SLC19A1: variants seen among roughly 807,000 people sequenced by gnomAD.
SLC19A1 encodes solute carrier family 19 member 1.
In SLC19A1, 37 loss-of-function variants were observed where a neutral mutation model predicts 35.3. That is an observed-to-expected ratio of 1.05 (90% CI 0.81 to 1.38). The LOEUF is 1.38. Ranked by LOEUF, SLC19A1 falls within the 40% of genes most tolerant of loss-of-function variation. The pLI, the probability that SLC19A1 is intolerant of heterozygous loss-of-function variation, is 0.00. For synonymous variants in SLC19A1, 460 were observed against 398.5 expected, an observed-to-expected ratio of 1.15 and a Z score of -1.84; for missense variants, 831 against 826.9, an observed-to-expected ratio of 1.00 and a Z score of -0.06.
rs2037826779 is a variant in SLC19A1, at chr21:45,515,119, A to G, written c.*539T>C. ...GCCGCCAACCTGAGATGGCTTTTCCACAGAGACAGAGAAGCCACATGCAGT... is the reference window on the plus strand; with the variant it reads ...GCCGCCAACCTGAGATGGCTTTTCCGCAGAGACAGAGAAGCCACATGCAGT... On this transcript the variant is annotated 3_prime_UTR_variant, in exon 6 of 6. Transcript: ENST00000311124. 1.9e-6 allele frequency: 3 copies of G among 1,540,666 alleles called. No homozygotes were observed. Among genetic ancestry groups the G allele is most frequent in the East Asian group, 4.9e-5 (2 of 40,770 alleles).
Position 45,515,857 on chromosome 21 carries a change from G to T in SLC19A1, c.1577C>A (p.Ala526Asp). The change falls in exon 6 of 6, where the codon GCC (alanine) becomes GAC (aspartate). Residue 526 changes from alanine (A) to aspartate (D), a missense_variant. Transcript: ENST00000311124. ...LEQRQSDPYL[A>D]QAPAPQAAEF... ...AGCTGCCTGCGGGGCCGGGGCCTGG[G>T]CCAGGTATGGGTCGCTCTGTCTCTG... is the stretch of plus-strand genomic sequence containing the variant. The T allele has an allele frequency of 6.3e-7, 1 of 1,594,596 alleles. No homozygotes were observed. The highest frequency in any genetic ancestry group is 8.6e-7 in the Non-Finnish European group (1 of 1,169,502).
Position 45,540,911 on chromosome 21 carries a change from C to T in SLC19A1, c.-50+1457G>A, listed in dbSNP as rs950241331. 6.6e-6 allele frequency among the ~76,000 whole-genome samples: 1 copy of T among 152,200 alleles called. No individual in the cohort carries two copies. Among genetic ancestry groups the T allele is most frequent in the African/African-American group, 2.4e-5 (1 of 41,450 alleles). On this transcript the variant is annotated intron_variant, in intron 1 of 5. Coordinates refer to ENST00000311124, the MANE Select transcript of SLC19A1 (RefSeq NM_194255.4). The surrounding 1 kb of genome is among the most constrained non-coding windows in gnomAD (Gnocchi z 5.5). ...CAAGCACCAGAGAAGGCCAGAGACC[C>T]GCAATCAAAACACAAGCAAACGCCA...
At chr21:45,523,753 G>T (rs1487789438) in intron 5 of SLC19A1, among the ~76,000 whole-genome samples, 1 of 152,202 alleles carries the variant, frequency 6.6e-6, no homozygotes, top group Non-Finnish European at 1.5e-5. Flanking sequence ...CCTGGCTGGG[G>T]CCACACAGGG....
chr21:45,562,754 C>A (rs572519633), exon 1 of SLC19A1, among the ~76,000 whole-genome samples: 1 of 152,330 alleles, frequency 6.6e-6, no homozygotes, highest in South Asian at 2.1e-4. Flanking sequence ...TAGATTCCAA[C>A]AATCCGCAGA....
intron 1 of SLC19A1, among the ~76,000 whole-genome samples, chr21:45,557,925 T>C (rs2078579798): frequency 6.6e-6 from 1 of 152,252 alleles, no homozygotes; most frequent in African/African-American, 2.4e-5. Context: ...GATGCTCACC[T>C]TTGCCTCCTG....
intron 4 of SLC19A1, among the ~76,000 whole-genome samples, chr21:45,530,000 G>A (rs558035885): frequency 6.6e-6 from 1 of 151,428 alleles, no homozygotes; most frequent in Non-Finnish European, 1.5e-5. Context: ...GTGTCCGTGT[G>A]TGTGGTGTGT....
Position 45,505,915 on chromosome 21 carries a change from C to G in SLC19A1, c.498-7303G>C, listed in dbSNP as rs542663933. 5 of 1,613,132 alleles carry G rather than the reference C, an allele frequency of 3.1e-6. No individual in the cohort carries two copies. The South Asian group carries it at 3.3e-5, about 11-fold the overall frequency. The stretch of plus-strand genomic sequence containing the variant: ...CCGAGGGCTGGCTCATCTTCGTGGC[C>G]GAGCAGGAGGAGCTCTACGTCCGCG... On this transcript the variant is annotated intron_variant, in intron 3 of 4. Transcript: ENST00000417954.
Position 45,517,726 on chromosome 21 carries a change from A to G in SLC19A1, c.1294-1586T>C, listed in dbSNP as rs1221304577. 6.6e-6 allele frequency among the ~76,000 whole-genome samples: 1 copy of G among 151,962 alleles called. No homozygotes were observed. The highest frequency in any genetic ancestry group is 6.5e-5 in the Admixed American group (1 of 15,278). On this transcript the variant is annotated intron_variant, in intron 5 of 5. Transcript: ENST00000311124. The surrounding 1 kb of genome is among the most constrained non-coding windows in gnomAD (Gnocchi z 4.4). Reference sequence around the variant, plus strand: ...TCCAGACTTTCACCTACCCAGCAATAATGAGAATGTCCCAACCCCAGGGGC... The same window carrying G: ...TCCAGACTTTCACCTACCCAGCAATGATGAGAATGTCCCAACCCCAGGGGC...
At chr21:45,562,000 G>A (rs113617812) in intron 1 of SLC19A1, among the ~76,000 whole-genome samples, 1,975 of 149,634 alleles carry the variant, frequency 0.013, 34 homozygotes, top group African/African-American at 0.045. Flanking sequence ...GCATGGTGGC[G>A]GGCGCCTGTA....
At chr21:45,508,535 T>C (rs1485087740), downstream of SLC19A1, among the ~76,000 whole-genome samples, 1 of 151,994 alleles carries the variant, frequency 6.6e-6, no homozygotes, top group Non-Finnish European at 1.5e-5. Flanking sequence ...GGTGGGTGGA[T>C]GGATGGGTAG....
chr21:45,531,575 G>C lies in SLC19A1; in HGVS notation c.763C>G (p.Leu255Val). Residue 255 changes from leucine to valine, a missense_variant, in exon 3 of 6, where the codon CTG becomes GTG. Coordinates refer to ENST00000311124, the MANE Select transcript of SLC19A1 (RefSeq NM_194255.4). ...CGCAGGCTGTCCCCCAGCTCCCGCA[G>C]CATCCGCGCCAGCACTGAGTCCCCA... is the stretch of plus-strand genomic sequence containing the variant. ...ACGDSVLARM[L>V]RELGDSLRRP... 1 of 1,612,312 alleles carries C rather than the reference G, an allele frequency of 6.2e-7. No individual in the cohort carries two copies. The highest frequency in any genetic ancestry group is 8.5e-7 in the Non-Finnish European group (1 of 1,179,688).
intron 3 of SLC19A1, chr21:45,507,391 G>T: frequency 1.6e-6 from 1 of 615,594 alleles, no homozygotes; most frequent in South Asian, 1.7e-5. Flanking sequence ...TGCTGGGCAG[G>T]GAGCGTACCC....
chr21:45,505,874 CAGGTGCACG>C lies in SLC19A1; in HGVS notation c.498-7271_498-7263del. The C allele has an allele frequency of 6.2e-7, 1 of 1,612,356 alleles. No homozygotes were observed. The highest frequency in any genetic ancestry group is 1.1e-5 in the South Asian group (1 of 91,082). ...GGCTACACGCCAGGCCATGCTGGGC[CAGGTGCACG>C]AGGTTCCCGAGGGCTGGCTCATCTT... On this transcript the variant is annotated intron_variant, in intron 3 of 4. Transcript: ENST00000417954.
intron 3 of SLC19A1, chr21:45,507,336 G>GT: frequency 6.7e-6 from 4 of 596,144 alleles, no homozygotes; most frequent in Non-Finnish European, 1.2e-5. Flanking sequence ...GCAGGGCCGG[G>GT]TGCTGGGCAG....
rs754378807 is a variant in SLC19A1 at position 45,531,469 on chromosome 21, A to C, written c.869T>G (p.Ile290Ser). The C allele has an allele frequency of 6.2e-7, 1 of 1,612,654 alleles. No homozygotes were observed. The highest frequency in any genetic ancestry group is 8.5e-7 in the Non-Finnish European group (1 of 1,179,706). ...GGTGGGGTCCACCTCGTTCCACAGG[A>C]TGTGCACGTAGTAGACCACCAGGTA... ...GYYLVVYYVH[I>S]LWNEVDPTTN... is the part of the protein sequence containing the mutation. Residue 290 changes from isoleucine (I) to serine (S), a missense_variant, in exon 3 of 6, where the codon ATC becomes AGC. By Grantham distance (142) the Ile-to-Ser change is moderately radical. Transcript: ENST00000311124.
At chr21:45,510,303 CA>C (rs1422368642), downstream of SLC19A1, 1 of 1,553,800 alleles carries the variant, frequency 6.4e-7, no homozygotes, top group East Asian at 2.4e-5. Context: ...CCTCGGCCCC[CA>C]CTTGACCTCT....
chr21:45,528,360 A>G (rs186982070), intron 4 of SLC19A1, among the ~76,000 whole-genome samples: 1 of 152,216 alleles, frequency 6.6e-6, no homozygotes, highest in East Asian at 1.9e-4. Context: ...TACATGATAC[A>G]GATGAATGCT....
chr21:45,559,326 C>T (rs905025856), intron 1 of SLC19A1, among the ~76,000 whole-genome samples: 2 of 152,074 alleles, frequency 1.3e-5, no homozygotes, highest in African/African-American at 2.4e-5. Context: ...CAGGGAATTG[C>T]CCCCATCTGT....
At position 45,532,088 on chromosome 21, in the gene SLC19A1, A is replaced by T; in HGVS notation, c.250T>A (p.Phe84Ile). ...TAGCGCAGGTAGTCGGTGAGCAGGA[A>T]CACGGGCACCAGCACGGCCAGGTAG... The part of the protein sequence containing the change: ...YSYLAVLVPV[F>I]LLTDYLRYTP... Residue 84 changes from phenylalanine (F) to isoleucine (I), a missense_variant, in exon 3 of 6, where the codon TTC becomes ATC. Physicochemically the swap from Phe to Ile is conservative, Grantham distance 21. Transcript: ENST00000311124. The T allele has an allele frequency of 6.2e-7, 1 of 1,612,252 alleles. No homozygotes were observed.
Sources: gnomAD v4.1 joint callset for allele counts (sites outside exome capture counted in the v4.1 genomes callset) on GRCh38, gnomAD v4.1.1 for gene constraint, Gnocchi (gnomAD v3.1) non-coding constraint, MANE v1.5 for transcripts, NCBI Gene and HGNC (gene_info 2026-07-23, HGNC 2026-07-21) for gene names.